GHR: variants seen among roughly 807,000 people sequenced by gnomAD.
GHR encodes GH receptor.
In GHR, 35 loss-of-function variants were observed where a neutral mutation model predicts 67.1. That is an observed-to-expected ratio of 0.52 (90% CI 0.40 to 0.69). The LOEUF is 0.69. Ranked by LOEUF, GHR falls within the 30% of genes least tolerant of loss-of-function variation. GHR has a pLI of 0.00. For synonymous variants in GHR, 272 were observed against 269.1 expected (o/e 1.01, Z -0.10); for missense variants, 792 against 764.6 (o/e 1.04, Z -0.42).
At chr5:42,644,820 AT>A (rs1754650742) in intron 3 of GHR, among the ~76,000 whole-genome samples, 1 of 152,126 alleles carries the variant, frequency 6.6e-6, no homozygotes, top group African/African-American at 2.4e-5. Flanking sequence ...CATATTTTCT[AT>A]TTTTATGTTT....
chr5:42,639,854 T>A (rs1045949001), intron 3 of GHR, among the ~76,000 whole-genome samples: 13 of 152,214 alleles, frequency 8.5e-5, no homozygotes, highest in Admixed American at 7.9e-4. Context: ...ACCCTTGGTT[T>A]AGCCAGGGCC....
At position 42,696,123 on chromosome 5, in the gene GHR, A is replaced by T. The variant is rs1384345581; in HGVS notation, c.439+1034A>T. 7.9e-5 allele frequency among the ~76,000 whole-genome samples: 12 copies of T among 152,354 alleles called. No individual in the cohort carries two copies. The East Asian group carries it at 1.9e-3, about 24-fold the overall frequency. On this transcript the variant is annotated intron_variant, in intron 5 of 9. Coordinates refer to ENST00000230882, the MANE Select transcript of GHR (RefSeq NM_000163.5). ...GATAGCAGAATGGGATAGTAGCAAG[A>T]ACACTGGGTTAAAACCCATGTTCTA... is the stretch of plus-strand genomic sequence containing the variant.
At chr5:42,619,664 T>A (rs928273345) in intron 2 of GHR, 2 of 152,138 alleles carry the variant, frequency 1.3e-5, no homozygotes, top group Non-Finnish European at 2.9e-5. Context: ...CTGAAATACC[T>A]ACTTCCAAGA....
chr5:42,710,527 C>T (rs1758404705), intron 6 of GHR, among the ~76,000 whole-genome samples: 1 of 151,878 alleles, frequency 6.6e-6, no homozygotes, highest in African/African-American at 2.4e-5. Context: ...AAGGAATATC[C>T]TGACCTTAAG....
chr5:42,482,107 C>A (rs1745669154), intron 1 of GHR, among the ~76,000 whole-genome samples: 1 of 152,204 alleles, frequency 6.6e-6, no homozygotes, highest in South Asian at 2.1e-4. Flanking sequence ...ACAGACAGGA[C>A]CCTCAGCTGC....
intron 1 of GHR, among the ~76,000 whole-genome samples, chr5:42,428,931 C>T (rs1365425653): frequency 6.6e-6 from 1 of 152,182 alleles, no homozygotes; most frequent in Admixed American, 6.5e-5. Context: ...CCCACATTTT[C>T]CTGTCTTCTT....
intron 1 of GHR, among the ~76,000 whole-genome samples, chr5:42,428,305 T>C (rs1297657659): frequency 1.3e-5 from 2 of 152,168 alleles, no homozygotes; most frequent in East Asian, 3.9e-4. Context: ...TGGCCCCTTT[T>C]AGACATGGCT....
At chr5:42,640,063 C>A (rs1754389367) in intron 3 of GHR, among the ~76,000 whole-genome samples, 1 of 152,136 alleles carries the variant, frequency 6.6e-6, no homozygotes, top group Admixed American at 6.5e-5. Context: ...ACTGCCTTCT[C>A]AAATCTGAGA....
chr5:42,681,790 G>A (rs1756891388), intron 3 of GHR, among the ~76,000 whole-genome samples: 1 of 151,968 alleles, frequency 6.6e-6, no homozygotes, highest in Non-Finnish European at 1.5e-5. Flanking sequence ...CAAAAAATTA[G>A]GCAGGCGCAG....
intron 3 of GHR, among the ~76,000 whole-genome samples, chr5:42,636,680 C>A (rs951492852): frequency 6.6e-6 from 1 of 152,122 alleles, no homozygotes. Context: ...TACATTTATG[C>A]ACTGGGAAAA....
At chr5:42,512,812 T>C (rs1437811626) in intron 1 of GHR, among the ~76,000 whole-genome samples, 1 of 141,692 alleles carries the variant, frequency 7.1e-6, no homozygotes, top group East Asian at 1.9e-4. Flanking sequence ...TTTTTTTTTT[T>C]TTAACTAGAA....
chr5:42,708,329 G>T (rs570331431), intron 6 of GHR, among the ~76,000 whole-genome samples: 11 of 152,180 alleles, frequency 7.2e-5, no homozygotes, highest in Admixed American at 6.6e-4. Flanking sequence ...TTCAGAAGCA[G>T]TTATAAAAAT....
At chr5:42,522,372 A>G (rs1747514867) in intron 1 of GHR, among the ~76,000 whole-genome samples, 1 of 152,224 alleles carries the variant, frequency 6.6e-6, no homozygotes, top group Non-Finnish European at 1.5e-5. Context: ...AAATTTCTTC[A>G]TTAAAGACAT....
intron 1 of GHR, chr5:42,465,996 T>C (rs1744714060): frequency 1.7e-6 from 1 of 603,824 alleles, no homozygotes; most frequent in Non-Finnish European, 3.0e-6. Flanking sequence ...CCAACTTGTC[T>C]TATTCCTTCT....
Position 42,714,103 on chromosome 5 carries a change from TCAC to T in GHR, c.875+587_875+589del, listed in dbSNP as rs538743258. On this transcript the variant is annotated intron_variant, in intron 8 of 9. Coordinates refer to ENST00000230882, the MANE Select transcript of GHR (RefSeq NM_000163.5). ...TAATTTTGTATTTTTAGATACAGTT[TCAC>T]CATGTTGGTCAGACTGGTCTCGAAC... The T allele has an allele frequency of 2.1e-3, 323 of 154,212 alleles. 1 individual carries two copies. Among genetic ancestry groups the T allele is most frequent in the South Asian group, 3.4e-3 (17 of 4,964 alleles). The allele number at this position is 154,212 out of a possible 1,614,324, so 9.6% of individuals were successfully genotyped here.
In GHR at chr5:42,583,878, G is replaced by GATATAT. The variant is rs138386131; in HGVS notation, c.70+17948_70+17953dup. Among the ~76,000 whole-genome samples, 26 of 138,974 alleles carry GATATAT rather than the reference G, an allele frequency of 1.9e-4. No individual in the cohort carries two copies. The South Asian group carries it at 3.4e-3, about 18-fold the overall frequency. The allele number at this position is 138,974 out of a possible 152,430, so 91.2% of individuals were successfully genotyped here. On this transcript the variant is annotated intron_variant, in intron 2 of 9. Transcript: ENST00000230882. The stretch of plus-strand genomic sequence containing the variant: ...AAAGATATATATATCTTTAAATAAA[G>GATATAT]ATATATATATATATATATAAATTCT...
intron 1 of GHR, among the ~76,000 whole-genome samples, chr5:42,493,195 A>C (rs1448048567): frequency 1.3e-5 from 2 of 152,182 alleles, no homozygotes; most frequent in African/African-American, 4.8e-5. Context: ...CAAGTGTGTC[A>C]GTGGAGGTGG....
intron 6 of GHR, 38 bp from the exon 7 acceptor site, chr5:42,711,169 C>T: frequency 6.5e-7 from 1 of 1,534,800 alleles, no homozygotes; most frequent in Non-Finnish European, 9.0e-7. Flanking sequence ...GAGTTGTTGA[C>T]TCTTTGGCCA....
intron 1 of GHR, among the ~76,000 whole-genome samples, chr5:42,558,492 T>C (rs1054962662): frequency 6.6e-6 from 1 of 152,234 alleles, no homozygotes; most frequent in Admixed American, 6.5e-5. Flanking sequence ...TTTTCAACTA[T>C]AGTCATGCAC....
Sources: gnomAD v4.1 joint callset for allele counts (sites outside exome capture counted in the v4.1 genomes callset) on GRCh38, gnomAD v4.1.1 for gene constraint, MANE v1.5 for transcripts, NCBI Gene and HGNC (gene_info 2026-07-23, HGNC 2026-07-21) for gene names.